Variants in ZDHHC23 observed in about 807,000 individuals in gnomAD.
ZDHHC23 encodes the protein palmitoyltransferase ZDHHC23.
ZDHHC23 carries 41 observed loss-of-function variants against 40.2 expected under a neutral mutation model. The observed-to-expected ratio is 1.02, with a 90% CI of 0.79 to 1.32. ZDHHC23 has a LOEUF of 1.32. ZDHHC23 is among the 40% of genes most tolerant of loss of function. The pLI, the probability that ZDHHC23 is intolerant of heterozygous loss-of-function variation, is 0.00. For missense variants in ZDHHC23, 471 were observed against 541.5 expected (o/e 0.87, Z 1.29); for synonymous variants, 204 against 210.2 (o/e 0.97, Z 0.26).
In ZDHHC23 at chr3:113,956,755, A is replaced by C. The variant is rs151298693; in HGVS notation, c.1040+249A>C. 5.9e-4 allele frequency among the ~76,000 whole-genome samples: 90 copies of C among 152,114 alleles called. No homozygotes were observed. The Middle Eastern group carries it at 0.01, about 17-fold the overall frequency. On this transcript the variant is annotated intron_variant, in intron 4 of 4. Transcript: ENST00000638807. Reference sequence around the variant, plus strand: ...TTCTCTACAAACAGGACCAGGCCTAATCAGGGACTTCCAGAGTCAAATGAC... The same window carrying C: ...TTCTCTACAAACAGGACCAGGCCTACTCAGGGACTTCCAGAGTCAAATGAC...
chr3:113,978,906 T>C, the ZDHHC23 span: 7 of 1,614,080 alleles, frequency 4.3e-6, no homozygotes, highest in Non-Finnish European at 5.1e-6. Flanking sequence ...GGGAATAAAA[T>C]TGATCAGCCT....
Position 113,958,915 on chromosome 3 carries a change from A to G in ZDHHC23, c.*285A>G. ...GTGGATTGCTAATGCACAAATTGATAGAAGCAATTCCCATCCATTAGTATG... is the reference window on the plus strand; with the variant it reads ...GTGGATTGCTAATGCACAAATTGATGGAAGCAATTCCCATCCATTAGTATG... On this transcript the variant is annotated 3_prime_UTR_variant, in exon 5 of 5. Transcript: ENST00000638807. 1 of 1,248,636 alleles carries G rather than the reference A, an allele frequency of 8.0e-7. No homozygotes were observed. The highest frequency in any genetic ancestry group is 1.0e-6 in the Non-Finnish European group (1 of 974,304). The allele number at this position is 1,248,636 out of a possible 1,614,324, so 77.3% of individuals were successfully genotyped here. A position where few individuals can be genotyped will look rare whatever the true frequency, so the allele number is the denominator to read the frequency against.
chr3:113,979,163 A>C, the ZDHHC23 span, among the ~76,000 whole-genome samples: 1 of 152,240 alleles, frequency 6.6e-6, no homozygotes, highest in East Asian at 1.9e-4. Flanking sequence ...AAAAGCTTTG[A>C]CTGTTGACCT....
chr3:113,954,024 C>T lies in ZDHHC23; in HGVS notation c.486C>T (p.Pro162=). ...MYYVFLQEVV[P]KGRVGPVQLA... ...ATGTGTTCCTGCAGGAAGTGGTCCCCAAAGGGCGTGTGGGTCCCGTTCAGC... is the reference window on the plus strand; with the variant it reads ...ATGTGTTCCTGCAGGAAGTGGTCCCTAAAGGGCGTGTGGGTCCCGTTCAGC... Residue 162 remains proline (P), a synonymous_variant, in exon 3 of 5, where the codon CCC becomes CCT. Transcript: ENST00000638807. 1 of 1,614,134 alleles carries T rather than the reference C, an allele frequency of 6.2e-7. No homozygotes were observed. Among genetic ancestry groups the T allele is most frequent in the Non-Finnish European group, 8.5e-7 (1 of 1,180,038 alleles).
chr3:113,950,911 G>C lies in ZDHHC23; in HGVS notation c.161+1948G>C, dbSNP rs111802339. Among the ~76,000 whole-genome samples, 27 of 152,354 alleles carry C rather than the reference G, an allele frequency of 1.8e-4. 1 individual carries two copies. Among genetic ancestry groups the C allele is most frequent in the African/African-American group, 6.3e-4 (26 of 41,580 alleles). On this transcript the variant is annotated intron_variant, in intron 2 of 4. Coordinates refer to ENST00000638807, the MANE Select transcript of ZDHHC23 (RefSeq NM_001320466.2). Reference sequence around the variant, plus strand: ...AAAAGGGAACAACAGGAAGAAAGGAGTGTTACTGACAGGTCCTAACCCAGT... The same window carrying C: ...AAAAGGGAACAACAGGAAGAAAGGACTGTTACTGACAGGTCCTAACCCAGT...
chr3:113,973,083 A>C, the ZDHHC23 span, among the ~76,000 whole-genome samples: 2 of 152,086 alleles, frequency 1.3e-5, no homozygotes, highest in African/African-American at 2.4e-5. Flanking sequence ...TTACTATGGC[A>C]ATTTTTTCTT....
the ZDHHC23 span, chr3:113,978,667 G>A: frequency 1.5e-6 from 1 of 658,474 alleles, no homozygotes; most frequent in East Asian, 2.7e-5. Context: ...AACAAACACA[G>A]GCTTAGGATT....
At chr3:113,953,609 GT>G in intron 2 of ZDHHC23, 90 bp from the exon 3 acceptor site, 1 of 1,155,374 alleles carries the variant, frequency 8.7e-7, no homozygotes, top group Non-Finnish European at 1.2e-6. Context: ...AGCTTTTATC[GT>G]TTATCCCACT....
rs1414443461 is a variant in ZDHHC23, at chr3:113,959,819, G to T, written c.*1189G>T. The T allele has an allele frequency of 4.8e-6, 5 of 1,034,240 alleles. No individual in the cohort carries two copies. The Admixed American group carries it at 1.4e-4, about 28-fold the overall frequency. 64.1% of individuals were successfully genotyped at this position (1,034,240 alleles called of 1,614,324 possible). A position where few individuals can be genotyped will look rare whatever the true frequency, so the allele number is the denominator to read the frequency against. On this transcript the variant is annotated 3_prime_UTR_variant, in exon 5 of 5. Coordinates refer to ENST00000638807, the MANE Select transcript of ZDHHC23 (RefSeq NM_001320466.2). Reference sequence around the variant, plus strand: ...TATCTCACTAAGAGAGAAGAAACAGGGTATATGTGGTTTCCACTATTAATG... The same window carrying T: ...TATCTCACTAAGAGAGAAGAAACAGTGTATATGTGGTTTCCACTATTAATG...
At chr3:113,965,915 G>C (rs1940110040), downstream of ZDHHC23, among the ~76,000 whole-genome samples, 1 of 151,910 alleles carries the variant, frequency 6.6e-6, no homozygotes, top group East Asian at 1.9e-4. Flanking sequence ...ATTTTTGATT[G>C]AGTGGTGAAG....
downstream of ZDHHC23, chr3:113,965,496 A>G (rs185371896): frequency 1.9e-4 from 88 of 470,602 alleles, no homozygotes; most frequent in Non-Finnish European, 2.8e-4. Flanking sequence ...CACAATCGGG[A>G]TTATGACAGT....
At chr3:113,950,619 C>T (rs1438686762) in intron 2 of ZDHHC23, among the ~76,000 whole-genome samples, 1 of 152,158 alleles carries the variant, frequency 6.6e-6, no homozygotes, top group Non-Finnish European at 1.5e-5. Flanking sequence ...CTTCCTGGCT[C>T]CCTAAAATTT....
At chr3:113,978,936 A>T in the ZDHHC23 span, 1 of 1,614,068 alleles carries the variant, frequency 6.2e-7, no homozygotes, top group South Asian at 1.1e-5. Flanking sequence ...TTCTAGCCAG[A>T]CTTTCCTGAC....
intron 2 of ZDHHC23, among the ~76,000 whole-genome samples, chr3:113,951,461 A>G (rs1938652723): frequency 6.6e-6 from 1 of 152,146 alleles, no homozygotes; most frequent in Non-Finnish European, 1.5e-5. Context: ...GGTGGCCTCT[A>G]TGGCATACCT....
intron 4 of ZDHHC23, among the ~76,000 whole-genome samples, 193 bp from the exon 5 acceptor site, chr3:113,958,170 A>G (rs1939412307): frequency 6.6e-6 from 1 of 152,180 alleles, no homozygotes; most frequent in African/African-American, 2.4e-5. Flanking sequence ...GGCACCAGTA[A>G]TTATAGAATA....
Position 113,960,079 on chromosome 3 carries a change from T to C in ZDHHC23, c.*1449T>C. 1.0e-6 allele frequency: 1 copy of C among 989,526 alleles called. No homozygotes were observed. 61.3% of individuals were successfully genotyped at this position (989,526 alleles called of 1,614,324 possible). A position where few individuals can be genotyped will look rare whatever the true frequency, so the allele number is the denominator to read the frequency against. On this transcript the variant is annotated 3_prime_UTR_variant, in exon 5 of 5. Coordinates refer to ENST00000638807, the MANE Select transcript of ZDHHC23 (RefSeq NM_001320466.2). ...GACTCCTTAAATTTGCCTTGGCTTATAGCTTAATATAGGGAAAATATTGCC... is the reference window on the plus strand; with the variant it reads ...GACTCCTTAAATTTGCCTTGGCTTACAGCTTAATATAGGGAAAATATTGCC...
In ZDHHC23 at chr3:113,959,832, T is replaced by C; in HGVS notation, c.*1202T>C. The stretch of plus-strand genomic sequence containing the variant: ...GAGAAGAAACAGGGTATATGTGGTT[T>C]CCACTATTAATGGATTACTGTTCTT... On this transcript the variant is annotated 3_prime_UTR_variant, in exon 5 of 5. Coordinates refer to ENST00000638807, the MANE Select transcript of ZDHHC23 (RefSeq NM_001320466.2). The C allele has an allele frequency of 9.7e-7, 1 of 1,028,560 alleles. No homozygotes were observed. Among genetic ancestry groups the C allele is most frequent in the Non-Finnish European group, 1.2e-6 (1 of 851,216 alleles). The allele number at this position is 1,028,560 out of a possible 1,614,324, so 63.7% of individuals were successfully genotyped here.
rs1405481096 is a variant in ZDHHC23 at position 113,956,439 on chromosome 3, A to C, written c.973A>C (p.Thr325Pro). ...GTATGGGATCACACTGACCTTGGACACCATTTGTAGAGACAGAAGTGTCTT... is the reference window on the plus strand; with the variant it reads ...GTATGGGATCACACTGACCTTGGACCCCATTTGTAGAGACAGAAGTGTCTT... The part of the protein sequence containing the change: ...SVYGITLTLD[T>P]ICRDRSVFTA... Residue 325 changes from threonine (T) to proline (P), a missense_variant, in exon 4 of 5, where the codon ACC becomes CCC. Coordinates refer to ENST00000638807, the MANE Select transcript of ZDHHC23 (RefSeq NM_001320466.2). 1 of 1,614,180 alleles carries C rather than the reference A, an allele frequency of 6.2e-7. No homozygotes were observed. The highest frequency in any genetic ancestry group is 1.7e-5 in the Admixed American group (1 of 60,020).
chr3:113,965,313 A>G (rs754718431), downstream of ZDHHC23: 9 of 1,610,312 alleles, frequency 5.6e-6, no homozygotes, highest in Middle Eastern at 1.6e-4. Context: ...TCTTTCATAA[A>G]TTTTACAAAC....
Sources: gnomAD v4.1 joint callset for allele counts (sites outside exome capture counted in the v4.1 genomes callset) on GRCh38, gnomAD v4.1.1 for gene constraint, MANE v1.5 for transcripts, NCBI Gene and HGNC (gene_info 2026-07-23, HGNC 2026-07-21) for gene names.